Variants in ANKRD6 observed in about 807,000 individuals in gnomAD.
ANKRD6 encodes the protein ankyrin repeat domain 6.
ANKRD6 carries 56 observed loss-of-function variants against 82.3 expected under a neutral mutation model. That is an observed-to-expected ratio of 0.68 (90% CI 0.55 to 0.85). The LOEUF is 0.85. Among genes scored for constraint, ANKRD6 ranks in the 40% least tolerant of loss-of-function variants. The probability of loss-of-function intolerance (pLI) is 0.00; values close to 1 mark genes in which losing one functional copy is unlikely to be tolerated. For missense variants in ANKRD6, 852 were observed against 907.6 expected (o/e 0.94, Z 0.79); for synonymous variants, 347 against 352.1 (o/e 0.99, Z 0.16).
At chr6:89,617,180 C>T (rs560455490) in intron 8 of ANKRD6, among the ~76,000 whole-genome samples, 1 of 152,316 alleles carries the variant, frequency 6.6e-6, no homozygotes, top group Admixed American at 6.5e-5. Flanking sequence ...GTCTCTGCCC[C>T]TCTGAATGGT....
At chr6:89,515,462 G>A (rs1046357213) in intron 1 of ANKRD6, among the ~76,000 whole-genome samples, 3 of 152,190 alleles carry the variant, frequency 2.0e-5, no homozygotes, top group Non-Finnish European at 4.4e-5. Context: ...TCAATGTTTT[G>A]TTGAGCTTTT....
intron 2 of ANKRD6, among the ~76,000 whole-genome samples, chr6:89,573,652 C>T (rs1280985202): frequency 1.3e-5 from 2 of 152,210 alleles, no homozygotes; most frequent in Non-Finnish European, 2.9e-5. Flanking sequence ...TTTTGAGAGT[C>T]TGCATGTCTG....
At position 89,467,780 on chromosome 6, in the gene ANKRD6, C is replaced by T. The variant is rs995801511; in HGVS notation, c.-144+34405C>T. Among the ~76,000 whole-genome samples the T allele has an allele frequency of 1.3e-5, 2 of 152,196 alleles. 1 individual carries two copies. Among genetic ancestry groups the T allele is most frequent in the African/African-American group, 4.8e-5 (2 of 41,444 alleles). ...TGTGGGCAGATAGATGATTGTTGCT[C>T]AGCCTTCTACACATACAACTCCTGC... On this transcript the variant is annotated intron_variant, in intron 1 of 15. Transcript: ENST00000339746.
At chr6:89,532,768 C>T (rs1783332325) in intron 1 of ANKRD6, among the ~76,000 whole-genome samples, 1 of 152,014 alleles carries the variant, frequency 6.6e-6, no homozygotes, top group African/African-American at 2.4e-5. Flanking sequence ...ATGGCACGAT[C>T]TTGGCTCACT....
chr6:89,596,380 C>T (rs761152731), intron 3 of ANKRD6, among the ~76,000 whole-genome samples: 3 of 151,850 alleles, frequency 2.0e-5, no homozygotes, highest in Admixed American at 6.6e-5. Context: ...CAAGACTTGC[C>T]GGAAATGTGT....
intron 1 of ANKRD6, among the ~76,000 whole-genome samples, chr6:89,470,680 T>G (rs1316412701): frequency 9.4e-5 from 2 of 21,336 alleles, no homozygotes; most frequent in East Asian, 0.056. Flanking sequence ...GTTTTTTCTG[T>G]TTTGTTTTGT....
intron 1 of ANKRD6, among the ~76,000 whole-genome samples, chr6:89,507,177 A>G (rs543288599): frequency 3.9e-5 from 6 of 152,334 alleles, no homozygotes; most frequent in Non-Finnish European, 8.8e-5. Flanking sequence ...GTTTGTTTAT[A>G]TTTGAAGAAA....
intron 1 of ANKRD6, among the ~76,000 whole-genome samples, chr6:89,547,561 C>A (rs1235347664): frequency 6.6e-6 from 1 of 152,126 alleles, no homozygotes; most frequent in African/African-American, 2.4e-5. Context: ...TGCTTGGCAG[C>A]GCACCAGCGG....
chr6:89,468,500 G>A (rs1200953419), intron 1 of ANKRD6, among the ~76,000 whole-genome samples: 5 of 151,008 alleles, frequency 3.3e-5, no homozygotes, highest in Admixed American at 2.0e-4. Context: ...TGTCTGAAGC[G>A]TGGGTGTTCA....
intron 1 of ANKRD6, among the ~76,000 whole-genome samples, chr6:89,486,433 C>T (rs1296956462): frequency 6.6e-6 from 1 of 152,104 alleles, no homozygotes; most frequent in Non-Finnish European, 1.5e-5. Flanking sequence ...CAGTACATTT[C>T]TCAGAATGTA....
At chr6:89,464,063 A>C (rs1156457385) in intron 1 of ANKRD6, among the ~76,000 whole-genome samples, 1 of 152,182 alleles carries the variant, frequency 6.6e-6, no homozygotes, top group Non-Finnish European at 1.5e-5. Context: ...TCAGTAATAG[A>C]GTCTTGCCTT....
intron 1 of ANKRD6, among the ~76,000 whole-genome samples, chr6:89,543,910 A>G (rs9444695): frequency 0.49 from 75,164 of 152,006 alleles, 19,353 homozygotes; most frequent in South Asian, 0.71. Flanking sequence ...GCCTCTGGTT[A>G]ATTGTTACCA....
chr6:89,562,819 A>G (rs1429695996), intron 1 of ANKRD6: 1 of 152,262 alleles, frequency 6.6e-6, no homozygotes, highest in African/African-American at 2.4e-5. Context: ...TAGGAAGCTA[A>G]TGATCTCTCC....
chr6:89,615,414 G>A (rs1011170185), intron 7 of ANKRD6, among the ~76,000 whole-genome samples: 9 of 152,164 alleles, frequency 5.9e-5, no homozygotes, highest in African/African-American at 2.2e-4. Context: ...ATCATCAGGT[G>A]ACCCCTGCAT....
At chr6:89,550,436 A>C (rs908072889) in intron 1 of ANKRD6, among the ~76,000 whole-genome samples, 1 of 152,182 alleles carries the variant, frequency 6.6e-6, no homozygotes, top group Non-Finnish European at 1.5e-5. Context: ...GAAAGAATAT[A>C]TCCTGTGTAG....
intron 5 of ANKRD6, among the ~76,000 whole-genome samples, chr6:89,611,628 G>A (rs912898336): frequency 6.6e-6 from 1 of 152,246 alleles, no homozygotes; most frequent in African/African-American, 2.4e-5. Flanking sequence ...AAGCAAGAGG[G>A]TCTCAATCTG....
chr6:89,493,335 C>T (rs1778223861), intron 1 of ANKRD6, among the ~76,000 whole-genome samples: 2 of 151,942 alleles, frequency 1.3e-5, no homozygotes, highest in South Asian at 4.2e-4. Context: ...CCAATCTCTG[C>T]CTTCATCTTT....
chr6:89,485,311 C>G (rs1777243359), intron 1 of ANKRD6, among the ~76,000 whole-genome samples: 1 of 152,210 alleles, frequency 6.6e-6, no homozygotes, highest in South Asian at 2.1e-4. Context: ...TGAAGTCATA[C>G]CCAGTAATGC....
intron 2 of ANKRD6, among the ~76,000 whole-genome samples, chr6:89,592,432 A>C (rs1352254412): frequency 6.6e-6 from 1 of 152,032 alleles, no homozygotes; most frequent in Non-Finnish European, 1.5e-5. Context: ...AGTTTGGGGG[A>C]TTAAGCACCA....
Sources: gnomAD v4.1 joint callset for allele counts (sites outside exome capture counted in the v4.1 genomes callset) on GRCh38, gnomAD v4.1.1 for gene constraint, MANE v1.5 for transcripts, NCBI Gene and HGNC (gene_info 2026-07-23, HGNC 2026-07-21) for gene names.